Variants in TAF4B observed in about 807,000 individuals in gnomAD.
TAF4B encodes transcription initiation factor TFIID subunit 4B.
In TAF4B, 38 loss-of-function variants were observed where a neutral mutation model predicts 86.4. That is an observed-to-expected ratio of 0.44 (90% confidence interval 0.34 to 0.58). The LOEUF (loss-of-function observed/expected upper bound fraction) is 0.58, where lower values mean the gene tolerates loss of function less well. TAF4B is among the 20% of genes least tolerant of loss of function. The pLI, the probability that TAF4B is intolerant of heterozygous loss-of-function variation, is 0.02. For missense variants in TAF4B, 988 were observed against 1,027.6 expected, an observed-to-expected ratio of 0.96 and a Z score of 0.53; for synonymous variants, 388 against 391.2, an observed-to-expected ratio of 0.99 and a Z score of 0.10.
intron 14 of TAF4B, among the ~76,000 whole-genome samples, chr18:26,385,679 G>GTTTTTTTTTTTTT (rs34188640): frequency 9.1e-6 from 1 of 109,784 alleles, no homozygotes. Context: ...AATAAACAGC[G>GTTTTTTTTTTTTT]TTTTTTTTTT....
chr18:26,316,720 G>A (rs2056915721), intron 10 of TAF4B, among the ~76,000 whole-genome samples: 1 of 152,110 alleles, frequency 6.6e-6, no homozygotes, highest in East Asian at 1.9e-4. Flanking sequence ...ACATTATTAT[G>A]AAAAACTAGA....
At chr18:26,241,602 C>A (rs1049872770) in intron 1 of TAF4B, among the ~76,000 whole-genome samples, 1 of 152,000 alleles carries the variant, frequency 6.6e-6, no homozygotes, top group African/African-American at 2.4e-5. Flanking sequence ...CTGCTCTGAT[C>A]TTAGTTATTT....
intron 10 of TAF4B, among the ~76,000 whole-genome samples, chr18:26,320,265 T>A (rs2056950980): frequency 6.6e-6 from 1 of 152,250 alleles, no homozygotes; most frequent in Non-Finnish European, 1.5e-5. Context: ...CCTAATTGCC[T>A]GTATCTTTAG....
chr18:26,364,194 C>A (rs2057352464), intron 14 of TAF4B, among the ~76,000 whole-genome samples: 1 of 152,078 alleles, frequency 6.6e-6, no homozygotes, highest in Non-Finnish European at 1.5e-5. Context: ...CAGCTGCTAT[C>A]TCCTTATGTT....
Position 26,286,356 on chromosome 18 carries a change from T to C in TAF4B, c.1447T>C (p.Ser483Pro). The change falls in exon 7 of 15, where the codon TCT becomes CCT. Residue 483 changes from serine to proline, a missense_variant. Physicochemically the swap from Ser to Pro is moderately conservative, Grantham distance 74 (BLOSUM62 -1). This residue lies in a region of TAF4B where 747 missense variants were observed against 737.9 expected (regional missense o/e 1.01). Coordinates refer to ENST00000269142, the MANE Select transcript of TAF4B (RefSeq NM_005640.3). ...TTCAGGTGCAGCTATTTGTCTTCCA[T>C]CTGTGAAACCTGTTGTTTCTTCTGC... ...ETSGAAICLP[S>P]VKPVVSSAGT... 3.1e-6 allele frequency: 5 copies of C among 1,614,244 alleles called. No homozygotes were observed. Among genetic ancestry groups the C allele is most frequent in the Non-Finnish European group, 3.4e-6 (4 of 1,180,044 alleles).
At chr18:26,339,682 A>G (rs1181041131) in intron 13 of TAF4B, among the ~76,000 whole-genome samples, 2 of 152,226 alleles carry the variant, frequency 1.3e-5, no homozygotes, top group Non-Finnish European at 2.9e-5. Flanking sequence ...TCAGACAAGC[A>G]GGCATATCTT....
intron 12 of TAF4B, among the ~76,000 whole-genome samples, chr18:26,333,536 CG>C (rs2057067938): frequency 6.6e-6 from 1 of 152,108 alleles, no homozygotes; most frequent in Non-Finnish European, 1.5e-5. Flanking sequence ...ACTATAGGCA[CG>C]TGTCACTATG....
At chr18:26,362,789 A>G (rs868621185) in intron 14 of TAF4B, among the ~76,000 whole-genome samples, 4 of 152,220 alleles carry the variant, frequency 2.6e-5, no homozygotes, top group African/African-American at 9.6e-5. Flanking sequence ...GATAATAGTC[A>G]TATAATCAGT....
chr18:26,233,690 T>G (rs1231317620), intron 1 of TAF4B, among the ~76,000 whole-genome samples: 2 of 152,212 alleles, frequency 1.3e-5, no homozygotes, highest in African/African-American at 4.8e-5. Context: ...AATTATTTCA[T>G]GAATTAGGAC....
At chr18:26,327,709 A>G (rs1415160489) in intron 12 of TAF4B, among the ~76,000 whole-genome samples, 1 of 152,168 alleles carries the variant, frequency 6.6e-6, no homozygotes, top group Non-Finnish European at 1.5e-5. Context: ...AGCTGGGACT[A>G]CAGGTGCCTG....
intron 6 of TAF4B, among the ~76,000 whole-genome samples, chr18:26,285,228 T>G (rs796996724): frequency 4.6e-4 from 28 of 60,740 alleles, no homozygotes; most frequent in Non-Finnish European, 6.1e-4. Flanking sequence ...TTTTGTTTTT[T>G]TTTTTTTTGG....
chr18:26,313,132 T>G (rs1002056696), intron 9 of TAF4B, among the ~76,000 whole-genome samples: 2 of 152,120 alleles, frequency 1.3e-5, no homozygotes, highest in Admixed American at 1.3e-4. Flanking sequence ...AGCTGCATCA[T>G]TTTTTTAAGT....
At chr18:26,317,588 T>G (rs2056924748) in intron 10 of TAF4B, among the ~76,000 whole-genome samples, 1 of 152,220 alleles carries the variant, frequency 6.6e-6, no homozygotes, top group Non-Finnish European at 1.5e-5. Context: ...TGGATTGCTG[T>G]AACAAAATAC....
intron 9 of TAF4B, among the ~76,000 whole-genome samples, chr18:26,312,349 G>A (rs1339108803): frequency 6.6e-6 from 1 of 152,112 alleles, no homozygotes; most frequent in African/African-American, 2.4e-5. Context: ...TAGCTTGGGT[G>A]CTGTTTTTTT....
intron 1 of TAF4B, among the ~76,000 whole-genome samples, chr18:26,227,554 C>T (rs4800731): frequency 0.64 from 97,643 of 152,156 alleles, 33,482 homozygotes; most frequent in African/African-American, 0.87. Context: ...ATAATATAGC[C>T]GAAGTTAATT....
At position 26,285,222 on chromosome 18, in the gene TAF4B, G is replaced by GTTTTTTTTTTTGTTTTTTTTTTTTT. The variant is rs1555677501; in HGVS notation, c.973-649_973-648insGTTTTTTTTTTTTTTTTTTTTTTTT. On this transcript the variant is annotated intron_variant, in intron 6 of 14. Transcript: ENST00000269142. ...ATTTCTTCCTTTCCTTTTTTTTTTT[G>GTTTTTTTTTTTGTTTTTTTTTTTTT]TTTTTTTTTTTTTTGGAGATGGGGT... is the stretch of plus-strand genomic sequence containing the variant. Among the ~76,000 whole-genome samples the GTTTTTTTTTTTGTTTTTTTTTTTTT allele has an allele frequency of 3.5e-4, 16 of 45,690 alleles. 1 individual carries two copies. The East Asian group carries it at 0.012, about 35-fold the overall frequency. 30.0% of individuals were successfully genotyped at this position (45,690 alleles called of 152,430 possible). A position where few individuals can be genotyped will look rare whatever the true frequency, so the allele number is the denominator to read the frequency against.
intron 9 of TAF4B, among the ~76,000 whole-genome samples, chr18:26,300,309 T>TATA (rs1393104249): frequency 6.8e-6 from 1 of 147,204 alleles, no homozygotes; most frequent in Non-Finnish European, 1.5e-5. Flanking sequence ...TGTAGGCATT[T>TATA]ATTATTATTA....
At chr18:26,300,031 C>T (rs12967442) in intron 9 of TAF4B, among the ~76,000 whole-genome samples, 31,649 of 152,040 alleles carry the variant, frequency 0.21, 4,179 homozygotes, top group Non-Finnish European at 0.3. Flanking sequence ...GACAGAGTCT[C>T]ACTCTGTGGC....
Position 26,366,900 on chromosome 18 carries a change from A to G in TAF4B, c.2421+9106A>G, listed in dbSNP as rs189598904. 6.6e-5 allele frequency among the ~76,000 whole-genome samples: 10 copies of G among 152,340 alleles called. No individual in the cohort carries two copies. The East Asian group carries it at 1.5e-3, about 24-fold the overall frequency. ...CTTTATCAAGCAATTAGAATGTATT[A>G]TCTTCATTAGTCCTCACAATTCCTC... On this transcript the variant is annotated intron_variant, in intron 14 of 14. Coordinates refer to ENST00000269142, the MANE Select transcript of TAF4B (RefSeq NM_005640.3).
Sources: gnomAD v4.1 joint callset for allele counts (sites outside exome capture counted in the v4.1 genomes callset) on GRCh38, gnomAD v4.1.1 for gene constraint, gnomAD v4.1.1 regional missense constraint, MANE v1.5 for transcripts, NCBI Gene and HGNC (gene_info 2026-07-23, HGNC 2026-07-21) for gene names.